The following CD82 variants were observed in gnomAD, a reference collection of about 807,000 sequenced individuals.
CD82 encodes CD82 molecule, also known as CD82 antigen.
CD82 carries 36 observed loss-of-function variants against 37.4 expected under a neutral mutation model. The observed-to-expected ratio is 0.96, with a 90% CI of 0.74 to 1.27. The LOEUF is 1.27. Among genes scored for constraint, CD82 ranks in the 50% most tolerant of loss-of-function variants. CD82 has a pLI of 0.00. For missense variants in CD82, 340 were observed against 347.0 expected (o/e 0.98, Z 0.16); for synonymous variants, 158 against 137.4 (o/e 1.15, Z -1.05).
Position 44,569,605 on chromosome 11 carries a change from C to T in CD82, c.-103+3869C>T, listed in dbSNP as rs1012792214. On this transcript the variant is annotated intron_variant, in intron 1 of 9. Coordinates refer to ENST00000227155, the MANE Select transcript of CD82 (RefSeq NM_002231.4). ...GCAAAGTAGGGCATGTCTGTGAACA[C>T]CCACCCATACTCAGGCATGCGCACA... Among the ~76,000 whole-genome samples, 9 of 152,230 alleles carry T rather than the reference C, an allele frequency of 5.9e-5. No individual in the cohort carries two copies. The East Asian group carries it at 1.7e-3, about 29-fold the overall frequency.
At chr11:44,590,631 G>A (rs75811552) in intron 2 of CD82, among the ~76,000 whole-genome samples, 1,148 of 41,910 alleles carry the variant, frequency 0.027, 1 homozygote, top group Middle Eastern at 0.078. Context: ...AAAAAAAAAA[G>A]ATGAAATCTG....
intron 1 of CD82, among the ~76,000 whole-genome samples, chr11:44,581,255 G>C (rs953188088): frequency 6.6e-6 from 1 of 152,196 alleles, no homozygotes; most frequent in African/African-American, 2.4e-5. Flanking sequence ...CTCTGGGAGG[G>C]TCAGATGTTG....
At chr11:44,578,546 T>C (rs192889411) in intron 1 of CD82, among the ~76,000 whole-genome samples, 1 of 152,290 alleles carries the variant, frequency 6.6e-6, no homozygotes, top group Non-Finnish European at 1.5e-5. Flanking sequence ...CTTTATTGTG[T>C]GTTTTGCTAC....
chr11:44,589,321 G>C (rs889881422), intron 2 of CD82, among the ~76,000 whole-genome samples: 20 of 152,234 alleles, frequency 1.3e-4, no homozygotes, highest in African/African-American at 4.1e-4. Context: ...ACAGCTCTCT[G>C]TGACTGTTCT....
intron 3 of CD82, among the ~76,000 whole-genome samples, chr11:44,598,852 G>A (rs72907506): frequency 0.059 from 8,979 of 152,268 alleles, 351 homozygotes; most frequent in Non-Finnish European, 0.083. Flanking sequence ...GCTGAGGTGG[G>A]AACCCAGGGC....
intron 3 of CD82, among the ~76,000 whole-genome samples, chr11:44,595,871 A>G (rs1853215579): frequency 7.3e-6 from 1 of 136,242 alleles, no homozygotes. Flanking sequence ...GGAGTTCTAG[A>G]CCAGCTTGGG....
intron 1 of CD82, 142 bp from the exon 2 acceptor site, chr11:44,587,333 G>A (rs1853070505): frequency 2.4e-6 from 1 of 423,232 alleles, no homozygotes; most frequent in Admixed American, 2.4e-5. Context: ...GCCTGTGGGG[G>A]GAAGAGGACA....
chr11:44,587,803 C>G (rs1853078867), intron 2 of CD82: 2 of 352,644 alleles, frequency 5.7e-6, no homozygotes, highest in Admixed American at 7.4e-5. Flanking sequence ...GACACACCCC[C>G]AACCTGCCCT....
chr11:44,587,280 C>A, intron 1 of CD82, 195 bp from the exon 2 acceptor site: 1 of 377,970 alleles, frequency 2.6e-6, no homozygotes, highest in Non-Finnish European at 5.4e-6. Flanking sequence ...GTATAAGGAC[C>A]TGGGGCCTGA....
intron 1 of CD82, among the ~76,000 whole-genome samples, chr11:44,571,720 A>G (rs1179046483): frequency 6.6e-6 from 1 of 152,118 alleles, no homozygotes; most frequent in Admixed American, 6.5e-5. Context: ...AATTTCAGGC[A>G]TGCACCACCA....
intron 4 of CD82, 37 bp from the exon 5 acceptor site, chr11:44,605,021 C>G: frequency 6.2e-7 from 1 of 1,614,102 alleles, no homozygotes; most frequent in East Asian, 2.2e-5. Context: ...TTTATACCTG[C>G]TGTGCCCACT....
intron 7 of CD82, 28 bp from the exon 8 acceptor site, chr11:44,618,134 C>T (rs200577760): frequency 1.6e-4 from 258 of 1,607,882 alleles, no homozygotes; most frequent in Non-Finnish European, 2.2e-4. Context: ...GCCGTGAGCA[C>T]AAGCAGTCTG....
chr11:44,577,747 T>G (rs1398058892), intron 1 of CD82, among the ~76,000 whole-genome samples: 1 of 152,176 alleles, frequency 6.6e-6, no homozygotes, highest in African/African-American at 2.4e-5. Flanking sequence ...GCCTGGGGGT[T>G]CATGGTACTC....
rs377375263 is a variant in CD82 at position 44,605,279 on chromosome 11, A to G, written c.262-76A>G. The G allele has an allele frequency of 5.7e-5, 91 of 1,610,284 alleles. 1 individual carries two copies. In the African/African-American group the frequency reaches 1.1e-3, roughly 20 times the overall value. ...CTGGCCGTAACATCGGGTGGAGAGCATCTCTCGGGGCACGCAGGCTGGGTG... is the reference window on the plus strand; with the variant it reads ...CTGGCCGTAACATCGGGTGGAGAGCGTCTCTCGGGGCACGCAGGCTGGGTG... On this transcript the variant is annotated intron_variant, in intron 5 of 9. Transcript: ENST00000227155.
chr11:44,566,683 TG>T (rs542852583), intron 1 of CD82, among the ~76,000 whole-genome samples: 98 of 152,290 alleles, frequency 6.4e-4, no homozygotes, highest in African/African-American at 2.3e-3. Flanking sequence ...AATAGAATAA[TG>T]TGTATACACT....
At position 44,618,307 on chromosome 11, in the gene CD82, C is replaced by A. The variant is rs749820676; in HGVS notation, c.584C>A (p.Ala195Asp). The change falls in exon 8 of 10, where the codon GCC becomes GAC. Residue 195 changes from alanine (A) to aspartate (D), a missense_variant. Ala to Asp is a moderately radical substitution (Grantham distance 126). Coordinates refer to ENST00000227155, the MANE Select transcript of CD82 (RefSeq NM_002231.4). ...TCTGTGAGGAAGGGCTTCTGCGAGG[C>A]CCCCGGCAACAGGACCCAGAGTGGC... Reference protein sequence around the residue: ...SLSVRKGFCEAPGNRTQSGNH... With the variant: ...SLSVRKGFCEDPGNRTQSGNH... 3.1e-6 allele frequency: 5 copies of A among 1,613,840 alleles called. No individual in the cohort carries two copies. Among genetic ancestry groups the A allele is most frequent in the Non-Finnish European group, 4.2e-6 (5 of 1,180,012 alleles).
rs201650491 is a variant in CD82, at chr11:44,619,096, C to T, written c.774C>T (p.Ser258=). 7.6e-5 allele frequency: 123 copies of T among 1,613,570 alleles called. No individual in the cohort carries two copies. Among genetic ancestry groups the T allele is most frequent in the Middle Eastern group, 3.3e-4 (2 of 6,062 alleles). The stretch of plus-strand genomic sequence containing the variant: ...TCTGCTTGTGCCGGCACGTCCATTC[C>T]GAAGACTACAGCAAGGTCCCCAAGT... The part of the protein sequence containing the change: ...LSICLCRHVH[S]EDYSKVPKY The change falls in exon 10 of 10, where the codon TCC becomes TCT. Residue 258 remains serine (S), a synonymous_variant. Coordinates refer to ENST00000227155, the MANE Select transcript of CD82 (RefSeq NM_002231.4).
intron 1 of CD82, among the ~76,000 whole-genome samples, chr11:44,577,654 C>T (rs1334253540): frequency 2.0e-5 from 3 of 152,246 alleles, no homozygotes; most frequent in African/African-American, 2.4e-5. Flanking sequence ...TGGTTTCCTT[C>T]GTCGAAAAGT....
chr11:44,584,365 C>T (rs926178902), intron 1 of CD82, among the ~76,000 whole-genome samples: 1 of 152,210 alleles, frequency 6.6e-6, no homozygotes, highest in African/African-American at 2.4e-5. Flanking sequence ...CAGCTCACTG[C>T]AACCTCTGCT....
Sources: gnomAD v4.1 joint callset for allele counts (sites outside exome capture counted in the v4.1 genomes callset) on GRCh38, gnomAD v4.1.1 for gene constraint, MANE v1.5 for transcripts, NCBI Gene and HGNC (gene_info 2026-07-23, HGNC 2026-07-21) for gene names.